Variants in NHEJ1 observed in about 807,000 individuals in gnomAD.
NHEJ1 encodes the protein non-homologous end joining factor 1.
NHEJ1 carries 22 observed loss-of-function variants against 39.4 expected under a neutral mutation model. The ratio of observed to expected loss-of-function variants is 0.56; its 90% CI spans 0.40 to 0.80. The LOEUF is 0.80. Among genes scored for constraint, NHEJ1 ranks in the 30% least tolerant of loss-of-function variants. The pLI is 0.00. For synonymous variants in NHEJ1, 154 were observed against 135.6 expected, an observed-to-expected ratio of 1.14 and a Z score of -0.94; for missense variants, 329 against 357.1, an observed-to-expected ratio of 0.92 and a Z score of 0.63.
chr2:219,080,381 C>A (rs901402805), intron 5 of NHEJ1, among the ~76,000 whole-genome samples: 5 of 151,714 alleles, frequency 3.3e-5, no homozygotes, highest in South Asian at 2.1e-4. Context: ...AAAAATTAGC[C>A]GGGCACGGTG....
chr2:219,090,019 T>C (rs1043168756), intron 5 of NHEJ1, among the ~76,000 whole-genome samples: 3 of 152,196 alleles, frequency 2.0e-5, no homozygotes, highest in Non-Finnish European at 2.9e-5. Flanking sequence ...ACCACTTACA[T>C]GTTTGTTTTA....
At chr2:219,082,835 C>T (rs1949078641) in intron 5 of NHEJ1, among the ~76,000 whole-genome samples, 1 of 152,228 alleles carries the variant, frequency 6.6e-6, no homozygotes, top group East Asian at 1.9e-4. Flanking sequence ...GTAAACATTG[C>T]TGGTCTAGAT....
chr2:219,137,582 A>C (rs1450005184), intron 5 of NHEJ1, among the ~76,000 whole-genome samples: 4 of 140,552 alleles, frequency 2.8e-5, no homozygotes, highest in East Asian at 1.9e-4. Flanking sequence ...AAAAAAAAAA[A>C]AAAAAAAAAA....
chr2:219,103,876 C>T (rs1219061591), intron 5 of NHEJ1, among the ~76,000 whole-genome samples: 1 of 152,150 alleles, frequency 6.6e-6, no homozygotes, highest in Non-Finnish European at 1.5e-5. Flanking sequence ...CCAAAGTCAG[C>T]TCAACTGAAG....
intron 6 of NHEJ1, 39 bp from the exon 7 acceptor site, chr2:219,077,403 C>T (rs1248247713): frequency 2.1e-6 from 3 of 1,437,968 alleles, no homozygotes. Context: ...GTGATAAATG[C>T]CTTCTTCTTA....
intron 5 of NHEJ1, among the ~76,000 whole-genome samples, chr2:219,106,052 C>A (rs113847433): frequency 2.0e-5 from 3 of 152,230 alleles, no homozygotes; most frequent in African/African-American, 4.8e-5. Flanking sequence ...TTTAATAAGG[C>A]ACCAGCATAT....
chr2:219,138,007 T>TA (rs1949652399), intron 5 of NHEJ1, among the ~76,000 whole-genome samples: 4 of 152,188 alleles, frequency 2.6e-5, no homozygotes, highest in Non-Finnish European at 5.9e-5. Flanking sequence ...GTCGGAGAAC[T>TA]GACACACATA....
At chr2:219,117,491 G>A (rs1011183170) in intron 5 of NHEJ1, among the ~76,000 whole-genome samples, 1 of 152,182 alleles carries the variant, frequency 6.6e-6, no homozygotes, top group African/African-American at 2.4e-5. Context: ...CTGGTGCCCT[G>A]GGAGTTCCCA....
intron 5 of NHEJ1, among the ~76,000 whole-genome samples, chr2:219,146,290 A>G (rs1327572555): frequency 6.6e-6 from 1 of 152,112 alleles, no homozygotes; most frequent in East Asian, 1.9e-4. Context: ...CTCCTGCAGG[A>G]TCCTGAAAGG....
At chr2:219,086,141 G>A (rs544184493) in intron 5 of NHEJ1, among the ~76,000 whole-genome samples, 50 of 152,282 alleles carry the variant, frequency 3.3e-4, no homozygotes, top group African/African-American at 1.1e-3. Flanking sequence ...ACACATTACT[G>A]CAATTAACCT....
At chr2:219,088,273 A>T (rs1189331371) in intron 5 of NHEJ1, among the ~76,000 whole-genome samples, 1 of 152,204 alleles carries the variant, frequency 6.6e-6, no homozygotes, top group Non-Finnish European at 1.5e-5. Flanking sequence ...CTTTACAATA[A>T]AATATTATAC....
In NHEJ1 at chr2:219,074,741, A is replaced by T. The variant is rs74688886; in HGVS notation, c.*1640T>A. ...TAGGCAACAAGAGCAAGACTCCATT[A>T]AAAAAAAAAAAAAGTAACAAAAGAG... is the stretch of plus-strand genomic sequence containing the variant. On this transcript the variant is annotated 3_prime_UTR_variant, in exon 8 of 8. Transcript: ENST00000356853. Among the ~76,000 whole-genome samples the T allele has an allele frequency of 1.6e-5, 2 of 128,216 alleles. No homozygotes were observed. The highest frequency in any genetic ancestry group is 6.8e-5 in the African/African-American group (2 of 29,522). 84.1% of individuals were successfully genotyped at this position (128,216 alleles called of 152,430 possible).
chr2:219,155,231 C>T (rs964821229), intron 3 of NHEJ1, among the ~76,000 whole-genome samples: 11 of 151,388 alleles, frequency 7.3e-5, no homozygotes, highest in African/African-American at 2.7e-4. Context: ...TGAGGAAACA[C>T]TGCCCCCTGG....
At chr2:219,137,046 AAG>A (rs745871681) in intron 5 of NHEJ1, among the ~76,000 whole-genome samples, 6 of 151,786 alleles carry the variant, frequency 4.0e-5, no homozygotes, top group Non-Finnish European at 7.4e-5. Context: ...AAAATAAAGA[AAG>A]AGGTCTTTTT....
Position 219,121,372 on chromosome 2 carries a change from TG to T in NHEJ1, c.588+25307del, listed in dbSNP as rs1453212199. Among the ~76,000 whole-genome samples the T allele has an allele frequency of 3.3e-5, 5 of 152,348 alleles. No individual in the cohort carries two copies. The South Asian group carries it at 1.0e-3, about 32-fold the overall frequency. ...CAGGAAAGCTATTTACTATCCTATATGTGTTAATTTTCCATATTTAAAAGAA... is the reference window on the plus strand; with the variant it reads ...CAGGAAAGCTATTTACTATCCTATATTGTTAATTTTCCATATTTAAAAGAA... On this transcript the variant is annotated intron_variant, in intron 5 of 7. Transcript: ENST00000356853.
intron 5 of NHEJ1, among the ~76,000 whole-genome samples, chr2:219,097,268 T>C (rs1266781692): frequency 6.6e-6 from 1 of 152,186 alleles, no homozygotes; most frequent in Non-Finnish European, 1.5e-5. Flanking sequence ...GGGACATCTG[T>C]ATAGGAGAAC....
At chr2:219,129,763 G>A (rs1949559257) in intron 5 of NHEJ1, among the ~76,000 whole-genome samples, 1 of 152,246 alleles carries the variant, frequency 6.6e-6, no homozygotes, top group African/African-American at 2.4e-5. Context: ...GCCCTGCGCG[G>A]CCAGGGGAGC....
intron 5 of NHEJ1, among the ~76,000 whole-genome samples, chr2:219,083,658 G>A (rs1949086724): frequency 6.6e-6 from 1 of 152,122 alleles, no homozygotes; most frequent in Non-Finnish European, 1.5e-5. Flanking sequence ...GAGGGATCAA[G>A]ACTAACAACA....
rs1243028318 is a variant in NHEJ1 at position 219,071,624 on chromosome 2, G to C, written c.*4757C>G. On this transcript the variant is annotated 3_prime_UTR_variant, in exon 8 of 8. Coordinates refer to ENST00000356853, the MANE Select transcript of NHEJ1 (RefSeq NM_024782.3). The stretch of plus-strand genomic sequence containing the variant: ...CTCTGCTACTGTTTTGGGCCCCAGA[G>C]TAAGGGCAGAGAGGAAGAGTGTGGC... 6.6e-6 allele frequency among the ~76,000 whole-genome samples: 1 copy of C among 152,204 alleles called. No individual in the cohort carries two copies. Among genetic ancestry groups the C allele is most frequent in the African/African-American group, 2.4e-5 (1 of 41,448 alleles).
Sources: allele counts gnomAD v4.1 joint callset (sites outside exome capture counted in the v4.1 genomes callset), GRCh38; gene constraint gnomAD v4.1.1; transcripts MANE v1.5; gene names NCBI Gene and HGNC (gene_info 2026-07-23, HGNC 2026-07-21).